Variants in RGP1 observed in about 807,000 individuals in gnomAD.
The protein encoded by RGP1 is RGP1 partner of RAB6A GEF complex, also known as RAB6A-GEF complex partner protein 2.
In RGP1, 28 loss-of-function variants were observed where a neutral mutation model predicts 44.5. The observed-to-expected ratio is 0.63, with a 90% CI of 0.47 to 0.86. The LOEUF (loss-of-function observed/expected upper bound fraction) is 0.86. RGP1 is among the 40% of genes least tolerant of loss of function. The pLI is 0.00. For synonymous variants in RGP1, 212 were observed against 196.7 expected (o/e 1.08, Z -0.65); for missense variants, 417 against 490.7 (o/e 0.85, Z 1.42).
chr9:35,753,184 C>T lies in RGP1; in HGVS notation c.*310C>T. 6.2e-7 allele frequency: 1 copy of T among 1,614,160 alleles called. No individual in the cohort carries two copies. On this transcript the variant is annotated 3_prime_UTR_variant, in exon 9 of 9. Transcript: ENST00000378078. This position sits in a 1 kb window ranked among gnomAD's most constrained non-coding sequence, Gnocchi z 4.2. ...GGTCAGGCCCTCCCCCTTTGCAGGG[C>T]AGCCGAGGGTCAGATTTTTGCACCA...
downstream of RGP1, among the ~76,000 whole-genome samples, chr9:35,762,839 C>T (rs929153801): frequency 1.9e-4 from 27 of 144,180 alleles, no homozygotes; most frequent in Non-Finnish European, 3.5e-4. Context: ...TTCTTTTTAA[C>T]GGAAAAAAAA....
the RGP1 span, among the ~76,000 whole-genome samples, chr9:35,779,135 G>A: frequency 2.0e-5 from 3 of 152,182 alleles, no homozygotes; most frequent in Non-Finnish European, 4.4e-5. Flanking sequence ...ACGTTCTAGA[G>A]AGAGTTGCTA....
Position 35,749,891 on chromosome 9 carries a change from A to T in RGP1, c.116+20A>T. ...ATCCAGGTGGGGATGCTGGCACTGA[A>T]GGTGGTGGCCCTTCTGGGAAGAAGC... On this transcript the variant is annotated intron_variant, in intron 2 of 8. Coordinates refer to ENST00000378078, the MANE Select transcript of RGP1 (RefSeq NM_001080496.3). This position sits in a 1 kb window ranked among gnomAD's most constrained non-coding sequence, Gnocchi z 4.4. 1 of 1,564,386 alleles carries T rather than the reference A, an allele frequency of 6.4e-7. No individual in the cohort carries two copies.
At chr9:35,767,579 G>C in the RGP1 span, among the ~76,000 whole-genome samples, 1 of 152,200 alleles carries the variant, frequency 6.6e-6, no homozygotes, top group African/African-American at 2.4e-5. Context: ...AGTCTTGGAT[G>C]ATGAGTAGGA....
chr9:35,777,409 G>A, the RGP1 span, among the ~76,000 whole-genome samples: 3 of 150,334 alleles, frequency 2.0e-5, no homozygotes, highest in African/African-American at 4.9e-5. Context: ...GATTACAGGC[G>A]TGAGCCACTG....
At chr9:35,761,261 C>A (rs922894244), downstream of RGP1, among the ~76,000 whole-genome samples, 2 of 152,158 alleles carry the variant, frequency 1.3e-5, no homozygotes, top group Non-Finnish European at 2.9e-5. Context: ...TTCACTGGAC[C>A]TTGAGTCTTA....
chr9:35,749,908 G>C lies in RGP1; in HGVS notation c.116+37G>C, dbSNP rs1223307336. The C allele has an allele frequency of 1.4e-5, 21 of 1,484,916 alleles. No individual in the cohort carries two copies. The Admixed American group carries it at 3.2e-4, about 23-fold the overall frequency. The allele number at this position is 1,484,916 out of a possible 1,614,324, so 92.0% of individuals were successfully genotyped here. A position where few individuals can be genotyped will look rare whatever the true frequency, so the allele number is the denominator to read the frequency against. ...GGCACTGAAGGTGGTGGCCCTTCTG[G>C]GAAGAAGCCAGATTATCTCTGGGGC... On this transcript the variant is annotated intron_variant, in intron 2 of 8. Coordinates refer to ENST00000378078, the MANE Select transcript of RGP1 (RefSeq NM_001080496.3). The surrounding 1 kb of genome is among the most constrained non-coding windows in gnomAD (Gnocchi z 4.4).
At chr9:35,765,980 A>G in the RGP1 span, among the ~76,000 whole-genome samples, 11 of 151,112 alleles carry the variant, frequency 7.3e-5, no homozygotes, top group African/African-American at 1.9e-4. Flanking sequence ...GACTACAGGT[A>G]CCCGTCCCCA....
At position 35,750,249 on chromosome 9, in the gene RGP1, C is replaced by T; in HGVS notation, c.123C>T (p.Ala41=). The part of the protein sequence containing the change: ...PPTATSASSE[A]LAWASAQIHC... ...CCTTTTCCTTTTCCCACAGTGAGGC[C>T]CTGGCCTGGGCCAGTGCCCAAATCC... The change falls in exon 3 of 9, where the codon GCC becomes GCT. Residue 41 remains alanine, a synonymous_variant. Transcript: ENST00000378078. 6.2e-7 allele frequency: 1 copy of T among 1,613,498 alleles called. No homozygotes were observed.
chr9:35,782,499 T>C, the RGP1 span, among the ~76,000 whole-genome samples: 2 of 152,240 alleles, frequency 1.3e-5, no homozygotes, highest in East Asian at 3.9e-4. Flanking sequence ...CAGGCTGGAG[T>C]GCAGTGGCAC....
intron 6 of RGP1, 54 bp downstream of exon 6, chr9:35,751,466 A>G (rs527301975): frequency 3.0e-5 from 48 of 1,609,790 alleles, no homozygotes; most frequent in Non-Finnish European, 3.9e-5. Context: ...TTGTTTTCCC[A>G]TCTCAGAGAC....
In RGP1 at chr9:35,754,351, C is replaced by T. The variant is rs1292428101; in HGVS notation, c.*1477C>T. The T allele has an allele frequency of 2.1e-6, 1 of 472,250 alleles. No individual in the cohort carries two copies. Among genetic ancestry groups the T allele is most frequent in the Non-Finnish European group, 3.6e-6 (1 of 274,814 alleles). 29.3% of individuals were successfully genotyped at this position (472,250 alleles called of 1,614,324 possible). A position where few individuals can be genotyped will look rare whatever the true frequency, so the allele number is the denominator to read the frequency against. On this transcript the variant is annotated 3_prime_UTR_variant, in exon 9 of 9. Transcript: ENST00000378078. Reference sequence around the variant, plus strand: ...CTGAGTAGAGCTGGAAAAGTTGTAACTCTGTTTCCTGAGGTGAGGGCATGA... The same window carrying T: ...CTGAGTAGAGCTGGAAAAGTTGTAATTCTGTTTCCTGAGGTGAGGGCATGA...
the RGP1 span, among the ~76,000 whole-genome samples, chr9:35,767,697 A>G: frequency 1.3e-5 from 2 of 152,178 alleles, no homozygotes; most frequent in Non-Finnish European, 2.9e-5. Flanking sequence ...TTTATCATCT[A>G]TCCATAGCAG....
Position 35,758,268 on chromosome 9 carries a change from T to C in RGP1, c.*5394T>C, listed in dbSNP as rs973892346. ...ACAAACAACTCACAATTTTAGCATA[T>C]GAGGCTACTATCTTCTGTGGATGTG... is the stretch of plus-strand genomic sequence containing the variant. On this transcript the variant is annotated 3_prime_UTR_variant, in exon 9 of 9. Coordinates refer to ENST00000378078, the MANE Select transcript of RGP1 (RefSeq NM_001080496.3). 1 of 152,254 alleles carries C rather than the reference T, an allele frequency of 6.6e-6. No individual in the cohort carries two copies. Among genetic ancestry groups the C allele is most frequent in the African/African-American group, 2.4e-5 (1 of 41,474 alleles). 9.4% of individuals were successfully genotyped at this position (152,254 alleles called of 1,614,324 possible).
At chr9:35,788,583 AAAAG>A in the RGP1 span, among the ~76,000 whole-genome samples, 1 of 151,888 alleles carries the variant, frequency 6.6e-6, no homozygotes, top group Non-Finnish European at 1.5e-5. Flanking sequence ...GAAAAAAAAA[AAAAG>A]AAAAAGAAAG....
At chr9:35,770,286 T>C in the RGP1 span, among the ~76,000 whole-genome samples, 99 of 152,306 alleles carry the variant, frequency 6.5e-4, 1 homozygote, top group African/African-American at 2.3e-3. Flanking sequence ...CTTTGCTGAG[T>C]AGGAGAACAC....
the RGP1 span, among the ~76,000 whole-genome samples, chr9:35,786,074 C>T: frequency 2.6e-5 from 4 of 152,218 alleles, no homozygotes; most frequent in African/African-American, 9.7e-5. Context: ...CAGATTTCTC[C>T]TCTTCTTCCC....
chr9:35,751,282 G>A lies in RGP1; in HGVS notation c.504G>A (p.Arg168=), dbSNP rs199731636. The change falls in exon 6 of 9, where the codon CGG becomes CGA. Residue 168 remains arginine, a synonymous_variant. Coordinates refer to ENST00000378078, the MANE Select transcript of RGP1 (RefSeq NM_001080496.3). ...VLVLTGLQDV[R]FPQDEAVAPS... is the part of the protein sequence containing the mutation. ...TTTCTCTAGGCCTTCAGGATGTCCG[G>A]TTTCCCCAGGATGAGGCTGTAGCCC... is the stretch of plus-strand genomic sequence containing the variant. The A allele has an allele frequency of 1.8e-5, 29 of 1,613,840 alleles. No homozygotes were observed. The highest frequency in any genetic ancestry group is 6.8e-6 in the Non-Finnish European group (8 of 1,179,874).
the RGP1 span, among the ~76,000 whole-genome samples, chr9:35,778,907 G>C: frequency 6.6e-6 from 1 of 152,178 alleles, no homozygotes; most frequent in Non-Finnish European, 1.5e-5. Context: ...GTCTATCTCT[G>C]TCTTCTTTAT....
Sources: gnomAD v4.1 joint callset for allele counts (sites outside exome capture counted in the v4.1 genomes callset) on GRCh38, gnomAD v4.1.1 for gene constraint, Gnocchi (gnomAD v3.1) non-coding constraint, MANE v1.5 for transcripts, NCBI Gene and HGNC (gene_info 2026-07-23, HGNC 2026-07-21) for gene names.